The following ADCY2 variants were observed in gnomAD, a reference collection of about 807,000 sequenced individuals.
ADCY2 encodes the protein adenylate cyclase 2.
Under a neutral mutation model 125.2 loss-of-function variants are expected in ADCY2, and 31 were observed. The observed-to-expected ratio is 0.25, with a 90% CI of 0.19 to 0.33. The LOEUF (loss-of-function observed/expected upper bound fraction) is 0.33. ADCY2 is among the 10% of genes least tolerant of loss of function. ADCY2 has a pLI of 1.00. For missense variants in ADCY2, 904 were observed against 1,418.2 expected, an observed-to-expected ratio of 0.64 and a Z score of 5.82; for synonymous variants, 512 against 548.4, an observed-to-expected ratio of 0.93 and a Z score of 0.93.
At chr5:7,578,825 G>A (rs1289472090) in intron 3 of ADCY2, among the ~76,000 whole-genome samples, 2 of 152,064 alleles carry the variant, frequency 1.3e-5, no homozygotes, top group Non-Finnish European at 2.9e-5. Context: ...ACCTGTGGTG[G>A]GAGGTCTTTC....
intron 4 of ADCY2, among the ~76,000 whole-genome samples, chr5:7,677,255 G>C (rs879312229): frequency 1.3e-5 from 2 of 152,004 alleles, no homozygotes; most frequent in Non-Finnish European, 2.9e-5. Context: ...TCCAGCCTGA[G>C]CAACAAAAGA....
chr5:7,524,493 A>T (rs1013478123), intron 3 of ADCY2, among the ~76,000 whole-genome samples: 3 of 152,150 alleles, frequency 2.0e-5, no homozygotes, highest in African/African-American at 7.2e-5. Flanking sequence ...GTCTTTCATC[A>T]CAAAAGGACC....
chr5:7,569,004 T>G (rs1204231703), intron 3 of ADCY2, among the ~76,000 whole-genome samples: 2 of 152,300 alleles, frequency 1.3e-5, no homozygotes, highest in East Asian at 1.9e-4. Context: ...TATGGTAGAC[T>G]GCAATGTGCT....
intron 2 of ADCY2, among the ~76,000 whole-genome samples, chr5:7,440,224 A>G (rs1409133430): frequency 6.6e-6 from 1 of 152,222 alleles, no homozygotes; most frequent in Admixed American, 6.5e-5. Context: ...GGATTTCGTC[A>G]TGCATTACTT....
chr5:7,669,979 A>T (rs776847804), intron 4 of ADCY2, among the ~76,000 whole-genome samples: 3 of 152,188 alleles, frequency 2.0e-5, no homozygotes, highest in Non-Finnish European at 4.4e-5. Context: ...CATTCCCAAC[A>T]TATGGGCTTT....
chr5:7,608,164 A>G (rs909815069), intron 3 of ADCY2, among the ~76,000 whole-genome samples: 1 of 152,254 alleles, frequency 6.6e-6, no homozygotes, highest in Non-Finnish European at 1.5e-5. Flanking sequence ...CATGAGGAAT[A>G]TGACTATCCG....
intron 16 of ADCY2, among the ~76,000 whole-genome samples, chr5:7,761,693 C>T (rs1229012041): frequency 6.6e-6 from 1 of 152,094 alleles, no homozygotes; most frequent in Non-Finnish European, 1.5e-5. Context: ...CAGGATTTAT[C>T]ACCTAATTCT....
chr5:7,437,144 G>T (rs1041006065), intron 2 of ADCY2, among the ~76,000 whole-genome samples: 1 of 152,190 alleles, frequency 6.6e-6, no homozygotes, highest in Admixed American at 6.5e-5. Flanking sequence ...CAATGTGCTG[G>T]ACAGGACTTT....
intron 2 of ADCY2, among the ~76,000 whole-genome samples, chr5:7,437,319 C>G (rs1296455401): frequency 6.6e-6 from 1 of 152,152 alleles, no homozygotes; most frequent in African/African-American, 2.4e-5. Flanking sequence ...TCCAGCCTCC[C>G]CTCCCGAGAC....
intron 18 of ADCY2, among the ~76,000 whole-genome samples, chr5:7,780,168 A>G (rs1011510631): frequency 6.6e-6 from 1 of 152,198 alleles, no homozygotes; most frequent in Admixed American, 6.5e-5. Context: ...CTGACAAGGC[A>G]TGGGACTGAC....
intron 2 of ADCY2, among the ~76,000 whole-genome samples, chr5:7,492,700 A>C (rs1743205502): frequency 6.6e-6 from 1 of 151,950 alleles, no homozygotes; most frequent in Non-Finnish European, 1.5e-5. Context: ...CAGAGGAGGG[A>C]GGTTAATGGA....
chr5:7,502,354 C>G (rs183879849), intron 2 of ADCY2, among the ~76,000 whole-genome samples: 1 of 152,120 alleles, frequency 6.6e-6, no homozygotes, highest in African/African-American at 2.4e-5. Flanking sequence ...TGGACACTTT[C>G]GTCAGCCAGT....
intron 2 of ADCY2, among the ~76,000 whole-genome samples, chr5:7,474,823 G>T (rs1490321096): frequency 6.6e-6 from 1 of 152,262 alleles, no homozygotes; most frequent in African/African-American, 2.4e-5. Context: ...CACCTCTCTG[G>T]TGGGGTGGTT....
In ADCY2 at chr5:7,690,703, C is replaced by T; in HGVS notation, c.733C>T (p.Leu245Phe). 6.3e-7 allele frequency: 1 copy of T among 1,593,036 alleles called. No homozygotes were observed. Among genetic ancestry groups the T allele is most frequent in the Non-Finnish European group, 8.5e-7 (1 of 1,171,298 alleles). Reference sequence around the variant, plus strand: ...CCACCTTGTCCAGGAGCGGCTTCTGCTCTCCCTGCTGCCGGCCCACATCGC... The same window carrying T: ...CCACCTTGTCCAGGAGCGGCTTCTGTTCTCCCTGCTGCCGGCCCACATCGC... ...FEKRQQERLLLSLLPAHIAME... is the reference protein window; with the variant it reads ...FEKRQQERLLFSLLPAHIAME... The change falls in exon 5 of 25, where the codon CTC (leucine) becomes TTC (phenylalanine). Residue 245 changes from leucine to phenylalanine, a missense_variant. By Grantham distance (22) the Leu-to-Phe change is conservative (BLOSUM62 0). This residue lies in a region of ADCY2 where 117 missense variants were observed against 248.0 expected (regional missense o/e 0.47). Transcript: ENST00000338316.
intron 1 of ADCY2, among the ~76,000 whole-genome samples, chr5:7,397,701 A>T (rs1180475858): frequency 6.6e-6 from 1 of 152,034 alleles, no homozygotes; most frequent in Non-Finnish European, 1.5e-5. Flanking sequence ...TCATGTTTTT[A>T]AAAAATAAAA....
intron 23 of ADCY2, among the ~76,000 whole-genome samples, chr5:7,820,054 T>A (rs1463367087): frequency 6.6e-6 from 1 of 152,162 alleles, no homozygotes; most frequent in Non-Finnish European, 1.5e-5. Flanking sequence ...TGGAATAAAT[T>A]ATTTGAGATG....
At chr5:7,749,794 A>G (rs1742745478) in intron 15 of ADCY2, 1 of 152,256 alleles carries the variant, frequency 6.6e-6, no homozygotes. Context: ...ACGTTCTTCC[A>G]GGCAGAGATA....
chr5:7,734,050 A>G (rs1249470713), intron 14 of ADCY2, among the ~76,000 whole-genome samples: 1 of 152,194 alleles, frequency 6.6e-6, no homozygotes, highest in Non-Finnish European at 1.5e-5. Flanking sequence ...TTTAAAAAAG[A>G]GGAATTTTTA....
chr5:7,543,404 T>C (rs553536023), intron 3 of ADCY2, among the ~76,000 whole-genome samples: 2 of 152,292 alleles, frequency 1.3e-5, no homozygotes, highest in African/African-American at 4.8e-5. Flanking sequence ...CTTTGTTTCT[T>C]TGAAAAAATA....
Sources: gnomAD v4.1 joint callset for allele counts (sites outside exome capture counted in the v4.1 genomes callset) on GRCh38, gnomAD v4.1.1 for gene constraint, gnomAD v4.1.1 regional missense constraint, MANE v1.5 for transcripts, NCBI Gene and HGNC (gene_info 2026-07-23, HGNC 2026-07-21) for gene names.